The following EYA2 variants were observed in gnomAD, a reference collection of about 807,000 sequenced individuals.
The protein encoded by EYA2 is EYA transcriptional coactivator and phosphatase 2, also known as protein phosphatase EYA2.
In EYA2, 31 loss-of-function variants were observed where a neutral mutation model predicts 69.2. The ratio of observed to expected loss-of-function variants is 0.45; its 90% CI spans 0.34 to 0.60. The LOEUF is 0.60. Ranked by LOEUF, EYA2 falls within the 20% of genes least tolerant of loss-of-function variation. EYA2 has a pLI of 0.02. For missense variants in EYA2, 622 were observed against 701.2 expected, an observed-to-expected ratio of 0.89 and a Z score of 1.28; for synonymous variants, 257 against 279.4, an observed-to-expected ratio of 0.92 and a Z score of 0.80.
At chr20:47,107,195 T>C (rs1177686637) in intron 9 of EYA2, among the ~76,000 whole-genome samples, 1 of 152,068 alleles carries the variant, frequency 6.6e-6, no homozygotes, top group Admixed American at 6.5e-5. Flanking sequence ...GCTGATATCC[T>C]TGGGGAGAGG....
chr20:46,969,371 C>T (rs34191375), intron 1 of EYA2, among the ~76,000 whole-genome samples: 24 of 152,318 alleles, frequency 1.6e-4, no homozygotes, highest in Non-Finnish European at 3.1e-4. Context: ...GCATGAGCCA[C>T]CGTGCCCGGC....
chr20:47,116,209 CT>C (rs1179132607), intron 9 of EYA2, among the ~76,000 whole-genome samples: 3 of 117,814 alleles, frequency 2.5e-5, no homozygotes, highest in African/African-American at 9.8e-5. Context: ...TGGAGTTTCG[CT>C]CTTATTGCCC....
chr20:46,985,043 C>T (rs1460330285), intron 1 of EYA2, among the ~76,000 whole-genome samples: 2 of 152,222 alleles, frequency 1.3e-5, no homozygotes, highest in Admixed American at 1.3e-4. Context: ...AATTAAAACA[C>T]ATGCCACACA....
intron 4 of EYA2, among the ~76,000 whole-genome samples, chr20:47,005,803 G>C (rs1378328405): frequency 2.0e-5 from 3 of 152,256 alleles, no homozygotes; most frequent in East Asian, 1.9e-4. Context: ...AAGAACTGAA[G>C]ACTTGCGAAC....
intron 9 of EYA2, among the ~76,000 whole-genome samples, chr20:47,140,096 A>G (rs1394622360): frequency 6.6e-6 from 1 of 152,186 alleles, no homozygotes; most frequent in African/African-American, 2.4e-5. Flanking sequence ...CTTCTTGTCC[A>G]GTACATGGAG....
In EYA2 at chr20:47,144,306, A is replaced by C. The variant is rs1324581827; in HGVS notation, c.978+1158A>C. Reference sequence around the variant, plus strand: ...GGAAGGCGGACCTTGCGGTGAGCAGAGATCGTGCCACTGCACTCCAGCCTG... The same window carrying C: ...GGAAGGCGGACCTTGCGGTGAGCAGCGATCGTGCCACTGCACTCCAGCCTG... On this transcript the variant is annotated intron_variant, in intron 10 of 15. Transcript: ENST00000327619. Among the ~76,000 whole-genome samples, 6 of 151,910 alleles carry C rather than the reference A, an allele frequency of 3.9e-5. No homozygotes were observed. The South Asian group carries it at 1.0e-3, about 26-fold the overall frequency.
chr20:47,009,386 A>G (rs550523557), intron 4 of EYA2, among the ~76,000 whole-genome samples: 1 of 152,356 alleles, frequency 6.6e-6, no homozygotes, highest in South Asian at 2.1e-4. Flanking sequence ...CTTTGTTTAA[A>G]TACCTGCAGG....
intron 1 of EYA2, among the ~76,000 whole-genome samples, chr20:46,966,224 T>G (rs1979771851): frequency 1.3e-5 from 2 of 152,166 alleles, no homozygotes; most frequent in Admixed American, 1.3e-4. Flanking sequence ...TGGGTTCACG[T>G]GATCCTGCCG....
At chr20:47,081,526 C>G (rs1418902521) in intron 7 of EYA2, among the ~76,000 whole-genome samples, 1 of 151,924 alleles carries the variant, frequency 6.6e-6, no homozygotes, top group Admixed American at 6.6e-5. Flanking sequence ...TGCCTGTAAT[C>G]CCAGCATTTT....
chr20:46,987,997 TGGGGCAAAAAAA>T (rs1981398231), intron 1 of EYA2, among the ~76,000 whole-genome samples: 9 of 68,988 alleles, frequency 1.3e-4, no homozygotes, highest in East Asian at 3.2e-4. Flanking sequence ...TATATATATA[TGGGGCAAAAAAA>T]AAATACAGAA....
At chr20:46,917,119 A>G (rs1167216195) in intron 1 of EYA2, among the ~76,000 whole-genome samples, 1 of 152,224 alleles carries the variant, frequency 6.6e-6, no homozygotes, top group African/African-American at 2.4e-5. Flanking sequence ...CCCCCGAGTC[A>G]AAATCTTCCT....
rs1161301570 is a variant in EYA2 at position 47,004,923 on chromosome 20, C to T, written c.156-19C>T. ...GCCAGACTGGGCCTGGAGATTTAATCTTCCCTCTTTCCACACAGATCTTGC... is the reference window on the plus strand; with the variant it reads ...GCCAGACTGGGCCTGGAGATTTAATTTTCCCTCTTTCCACACAGATCTTGC... On this transcript the variant is annotated intron_variant, in intron 3 of 15. Transcript: ENST00000327619. The T allele has an allele frequency of 1.2e-6, 2 of 1,614,014 alleles. No homozygotes were observed. The highest frequency in any genetic ancestry group is 2.7e-5 in the African/African-American group (2 of 75,038).
chr20:46,978,050 C>T (rs1272438608), intron 1 of EYA2, among the ~76,000 whole-genome samples: 4 of 152,194 alleles, frequency 2.6e-5, no homozygotes, highest in Admixed American at 6.5e-5. Context: ...AAGGGTCTGC[C>T]CACGGCTCCA....
chr20:47,062,128 C>T (rs970839790), intron 5 of EYA2, among the ~76,000 whole-genome samples: 5 of 152,166 alleles, frequency 3.3e-5, no homozygotes, highest in African/African-American at 9.7e-5. Context: ...ACTTCTCACA[C>T]GTGATGACGT....
At chr20:46,907,614 G>A (rs370185644) in intron 1 of EYA2, among the ~76,000 whole-genome samples, 5 of 152,192 alleles carry the variant, frequency 3.3e-5, no homozygotes, top group Non-Finnish European at 5.9e-5. Flanking sequence ...CAAGGCAGGC[G>A]GATTGCGTGA....
intron 5 of EYA2, among the ~76,000 whole-genome samples, chr20:47,041,447 C>A (rs529828655): frequency 6.6e-6 from 1 of 152,304 alleles, no homozygotes; most frequent in South Asian, 2.1e-4. Context: ...AGTCTGTGCA[C>A]GACTAAGCAT....
chr20:47,025,597 A>G (rs1406709465), intron 5 of EYA2, among the ~76,000 whole-genome samples: 1 of 151,900 alleles, frequency 6.6e-6, no homozygotes, highest in African/African-American at 2.4e-5. Flanking sequence ...GCCTGTTTCT[A>G]CTCTTTTGCA....
intron 1 of EYA2, among the ~76,000 whole-genome samples, chr20:46,897,616 T>C (rs773996396): frequency 5.3e-5 from 8 of 152,296 alleles, no homozygotes; most frequent in Non-Finnish European, 7.4e-5. Context: ...AGGCCAGCAG[T>C]AAACTCCTTG....
At chr20:46,931,906 A>C (rs1169527447) in intron 1 of EYA2, among the ~76,000 whole-genome samples, 1 of 151,614 alleles carries the variant, frequency 6.6e-6, no homozygotes, top group Non-Finnish European at 1.5e-5. Flanking sequence ...CTGTCTTTGC[A>C]CATGGAAGAG....
Sources: gnomAD v4.1 joint callset for allele counts (sites outside exome capture counted in the v4.1 genomes callset) on GRCh38, gnomAD v4.1.1 for gene constraint, MANE v1.5 for transcripts, NCBI Gene and HGNC (gene_info 2026-07-23, HGNC 2026-07-21) for gene names.